The following NMNAT2 variants were observed in gnomAD, a reference collection of about 807,000 sequenced individuals.
NMNAT2 encodes nicotinamide/nicotinic acid mononucleotide adenylyltransferase 2.
A neutral mutation model predicts 41.6 loss-of-function variants in NMNAT2; 11 were observed. The observed-to-expected ratio is 0.26, with a 90% confidence interval of 0.17 to 0.44. The LOEUF (loss-of-function observed/expected upper bound fraction) is 0.44, where lower values mean the gene tolerates loss of function less well. Ranked by LOEUF, NMNAT2 falls within the 20% of genes least tolerant of loss-of-function variation. NMNAT2 has a pLI of 1.00. For synonymous variants in NMNAT2, 148 were observed against 151.2 expected, an observed-to-expected ratio of 0.98 and a Z score of 0.16; for missense variants, 288 against 407.7, an observed-to-expected ratio of 0.71 and a Z score of 2.53.
In NMNAT2 at chr1:183,284,020, G is replaced by A. The variant is rs780643022; in HGVS notation, c.549C>T (p.Gly183=). The change falls in exon 7 of 11, where the codon GGC becomes GGT. Residue 183 remains glycine, a synonymous_variant. Transcript: ENST00000287713. ...CAATCTCTTCATACCGCATCACCGT[G>A]CCCAGATTGGCATTCTCATCTAAGG... ...FTFVDENANL[G]TVMRYEEIEL... 2 of 1,613,704 alleles carry A rather than the reference G, an allele frequency of 1.2e-6. No individual in the cohort carries two copies. Among genetic ancestry groups the A allele is most frequent in the Admixed American group, 1.7e-5 (1 of 59,996 alleles).
At chr1:183,258,123 G>C (rs1433606001) in intron 10 of NMNAT2, among the ~76,000 whole-genome samples, 4 of 152,196 alleles carry the variant, frequency 2.6e-5, no homozygotes, top group Admixed American at 6.5e-5. Flanking sequence ...CCATGGAGGA[G>C]AGGCACCAAC....
chr1:183,341,748 C>CAAAAAAAAAAAAAAAAAAA (rs369432128), intron 1 of NMNAT2, among the ~76,000 whole-genome samples: 1 of 79,840 alleles, frequency 1.3e-5, no homozygotes, highest in Non-Finnish European at 2.4e-5. Context: ...AAAAAAAAAA[C>CAAAAAAAAAAAAAAAAAAA]CTGTTTCCTT....
intron 1 of NMNAT2, among the ~76,000 whole-genome samples, chr1:183,378,893 A>G (rs1244545247): frequency 6.6e-6 from 1 of 152,010 alleles, no homozygotes; most frequent in Non-Finnish European, 1.5e-5. Context: ...ATATACAAAA[A>G]TTAGGCAAGC....
chr1:183,267,541 T>C (rs1372096808), intron 8 of NMNAT2, among the ~76,000 whole-genome samples: 2 of 152,116 alleles, frequency 1.3e-5, no homozygotes, highest in African/African-American at 4.8e-5. Context: ...ATGAGATACT[T>C]GTGGGACAGG....
At chr1:183,368,362 C>T (rs192688621) in intron 1 of NMNAT2, among the ~76,000 whole-genome samples, 8 of 152,224 alleles carry the variant, frequency 5.3e-5, no homozygotes, top group South Asian at 2.1e-4. Context: ...TCCTGGAGGC[C>T]GGAATAAGGA....
intron 8 of NMNAT2, among the ~76,000 whole-genome samples, chr1:183,273,253 G>A (rs886592608): frequency 5.3e-5 from 8 of 152,206 alleles, no homozygotes; most frequent in African/African-American, 1.2e-4. Flanking sequence ...CGCCTGATTC[G>A]TGAATTGTTC....
At position 183,251,663 on chromosome 1, in the gene NMNAT2, C is replaced by T. The variant is rs532554233; in HGVS notation, c.*978G>A. ...CCCGCACTGTGCCATCAGCTACAGTCCACAAAGGTAAATGAACAGATGCCA... is the reference window on the plus strand; with the variant it reads ...CCCGCACTGTGCCATCAGCTACAGTTCACAAAGGTAAATGAACAGATGCCA... On this transcript the variant is annotated 3_prime_UTR_variant, in exon 11 of 11. Transcript: ENST00000287713. 1.3e-5 allele frequency: 2 copies of T among 153,004 alleles called. No individual in the cohort carries two copies. Among genetic ancestry groups the T allele is most frequent in the African/African-American group, 4.8e-5 (2 of 41,560 alleles). 9.5% of individuals were successfully genotyped at this position (153,004 alleles called of 1,614,324 possible). A position where few individuals can be genotyped will look rare whatever the true frequency, so the allele number is the denominator to read the frequency against.
intron 1 of NMNAT2, among the ~76,000 whole-genome samples, chr1:183,358,374 C>T (rs773423177): frequency 6.6e-6 from 1 of 152,054 alleles, no homozygotes; most frequent in Non-Finnish European, 1.5e-5. Flanking sequence ...CTTGAGTTTA[C>T]CTGTATAACA....
At chr1:183,366,205 C>T (rs769699147) in intron 1 of NMNAT2, among the ~76,000 whole-genome samples, 17 of 152,188 alleles carry the variant, frequency 1.1e-4, no homozygotes, top group Non-Finnish European at 1.6e-4. Flanking sequence ...ATTTATTCTG[C>T]TATTTATGTA....
intron 1 of NMNAT2, among the ~76,000 whole-genome samples, chr1:183,399,338 T>G (rs375749530): frequency 6.6e-6 from 1 of 152,128 alleles, no homozygotes; most frequent in Non-Finnish European, 1.5e-5. Flanking sequence ...CCTAGACATA[T>G]ACACCCTCCC....
chr1:183,305,498 A>G (rs1187637591), intron 1 of NMNAT2, among the ~76,000 whole-genome samples: 1 of 152,162 alleles, frequency 6.6e-6, no homozygotes, highest in Non-Finnish European at 1.5e-5. Context: ...CAAGTTTACC[A>G]TACACGCTTC....
intron 1 of NMNAT2, among the ~76,000 whole-genome samples, chr1:183,299,817 A>C (rs1261612043): frequency 2.6e-5 from 4 of 152,130 alleles, no homozygotes; most frequent in Non-Finnish European, 5.9e-5. Context: ...GGTTCTGTAA[A>C]TCTACCCTTT....
intron 1 of NMNAT2, among the ~76,000 whole-genome samples, chr1:183,297,958 G>T (rs890725772): frequency 3.9e-5 from 6 of 152,148 alleles, no homozygotes; most frequent in African/African-American, 1.4e-4. Flanking sequence ...AAAATCTCAT[G>T]ATCCTATCAA....
intron 1 of NMNAT2, among the ~76,000 whole-genome samples, chr1:183,347,187 G>C (rs1269830049): frequency 2.0e-5 from 3 of 152,176 alleles, no homozygotes; most frequent in Non-Finnish European, 4.4e-5. Flanking sequence ...GGGCACTGCG[G>C]TTCACGCCTG....
At chr1:183,260,926 C>A in intron 10 of NMNAT2, 76 bp downstream of exon 10, 1 of 1,201,596 alleles carries the variant, frequency 8.3e-7, no homozygotes, top group Non-Finnish European at 1.2e-6. Context: ...TTAGGGTCAT[C>A]TTTGATGGAG....
chr1:183,297,954 T>G (rs534236104), intron 1 of NMNAT2, among the ~76,000 whole-genome samples: 2 of 152,322 alleles, frequency 1.3e-5, no homozygotes, highest in East Asian at 3.9e-4. Context: ...AAGAAAAATC[T>G]CATGATCCTA....
chr1:183,311,526 G>A (rs1313555486), intron 1 of NMNAT2, among the ~76,000 whole-genome samples: 1 of 152,100 alleles, frequency 6.6e-6, no homozygotes, highest in Non-Finnish European at 1.5e-5. Context: ...GATGGACAAA[G>A]AGGCCTGTCC....
intron 1 of NMNAT2, among the ~76,000 whole-genome samples, chr1:183,366,464 C>T (rs1275785844): frequency 6.6e-6 from 1 of 152,224 alleles, no homozygotes; most frequent in African/African-American, 2.4e-5. Context: ...GCTAAGCACT[C>T]TGCTAGCCAC....
At chr1:183,351,261 T>C (rs1361122606) in intron 1 of NMNAT2, among the ~76,000 whole-genome samples, 4 of 152,222 alleles carry the variant, frequency 2.6e-5, no homozygotes, top group Non-Finnish European at 5.9e-5. Context: ...AGTGCATGGA[T>C]TCCTGGCAGC....
Sources: allele counts gnomAD v4.1 joint callset (sites outside exome capture counted in the v4.1 genomes callset), GRCh38; gene constraint gnomAD v4.1.1; transcripts MANE v1.5; gene names NCBI Gene and HGNC (gene_info 2026-07-23, HGNC 2026-07-21).